TENM2: variants seen among roughly 807,000 people sequenced by gnomAD.
The protein encoded by TENM2 is teneurin-2.
In TENM2, 52 loss-of-function variants were observed where a neutral mutation model predicts 245.2. The observed-to-expected ratio is 0.21, with a 90% CI of 0.17 to 0.27. The LOEUF is 0.27. Ranked by LOEUF, TENM2 falls within the 10% of genes least tolerant of loss-of-function variation. The pLI is 1.00. For missense variants in TENM2, 3,046 were observed against 3,666.8 expected, an observed-to-expected ratio of 0.83 and a Z score of 4.37; for synonymous variants, 1,363 against 1,438.9, an observed-to-expected ratio of 0.95 and a Z score of 1.19.
chr5:167,452,931 TTATATA>T (rs1554157697), intron 2 of TENM2, among the ~76,000 whole-genome samples: 9 of 4,886 alleles, frequency 1.8e-3, no homozygotes, highest in Admixed American at 4.9e-3. Context: ...AAAGTATGAT[TTATATA>T]TATATATATA....
intron 7 of TENM2, among the ~76,000 whole-genome samples, chr5:168,078,833 C>A (rs955475149): frequency 7.2e-5 from 11 of 152,230 alleles, no homozygotes; most frequent in Admixed American, 2.6e-4. Context: ...ATTACTGTAG[C>A]CTTGTAGTAT....
Position 168,107,356 on chromosome 5 carries a change from G to A in TENM2, c.1813+9229G>A, listed in dbSNP as rs113622893. On this transcript the variant is annotated intron_variant, in intron 9 of 28. Transcript: ENST00000518659. ...CTCCAGAGTTCTCCCAAAGCTCTTA[G>A]GGGCATGTCACTACTGTCCTCAAAC... Among the ~76,000 whole-genome samples the A allele has an allele frequency of 7.6e-3, 1,157 of 152,224 alleles. 18 individuals carry two copies. Among genetic ancestry groups the A allele is most frequent in the African/African-American group, 0.026 (1,093 of 41,536 alleles).
chr5:167,322,881 G>A (rs1261355294), intron 1 of TENM2, among the ~76,000 whole-genome samples: 1 of 152,228 alleles, frequency 6.6e-6, no homozygotes, highest in Non-Finnish European at 1.5e-5. Flanking sequence ...TGGGCCAGAA[G>A]GCCATGGTGA....
At chr5:167,543,898 A>G (rs925202064) in intron 2 of TENM2, among the ~76,000 whole-genome samples, 2 of 152,194 alleles carry the variant, frequency 1.3e-5, no homozygotes, top group Non-Finnish European at 2.9e-5. Context: ...CTATAAGGAC[A>G]TAAGTCATGT....
At chr5:167,768,199 A>G (rs1763168081) in intron 2 of TENM2, among the ~76,000 whole-genome samples, 1 of 152,096 alleles carries the variant, frequency 6.6e-6, no homozygotes, top group African/African-American at 2.4e-5. Context: ...AAACATGCCT[A>G]TGTTTGTGTT....
chr5:167,771,708 A>C (rs1268559212), intron 2 of TENM2, among the ~76,000 whole-genome samples: 1 of 152,102 alleles, frequency 6.6e-6, no homozygotes, highest in Non-Finnish European at 1.5e-5. Flanking sequence ...CACCAGGGAG[A>C]GTTTTAGAAG....
At chr5:167,389,133 GC>G (rs955851352) in intron 2 of TENM2, among the ~76,000 whole-genome samples, 1 of 151,546 alleles carries the variant, frequency 6.6e-6, no homozygotes, top group African/African-American at 2.4e-5. Flanking sequence ...TCTTTATGCT[GC>G]CCAAAGTAAG....
intron 2 of TENM2, among the ~76,000 whole-genome samples, chr5:167,451,357 C>T (rs941362529): frequency 2.0e-5 from 3 of 152,134 alleles, no homozygotes; most frequent in African/African-American, 7.2e-5. Context: ...TGGGAAGGAG[C>T]GATTGAAAAC....
chr5:168,092,347 C>G lies in TENM2; in HGVS notation c.1711+1578C>G, dbSNP rs561220748. 5.9e-5 allele frequency among the ~76,000 whole-genome samples: 9 copies of G among 152,342 alleles called. No individual in the cohort carries two copies. The South Asian group carries it at 6.2e-4, about 11-fold the overall frequency. ...TAGCCCATGGGCCTAATCTGGCCCACTGCCTGTTTTTATGAATAAAGTTTT... is the reference window on the plus strand; with the variant it reads ...TAGCCCATGGGCCTAATCTGGCCCAGTGCCTGTTTTTATGAATAAAGTTTT... On this transcript the variant is annotated intron_variant, in intron 8 of 28. Transcript: ENST00000518659.
intron 2 of TENM2, among the ~76,000 whole-genome samples, chr5:167,710,140 A>G (rs1758809527): frequency 6.6e-6 from 1 of 151,712 alleles, no homozygotes; most frequent in Non-Finnish European, 1.5e-5. Flanking sequence ...AGTAACAATC[A>G]CTCTTTGAGA....
At chr5:167,153,681 A>ACGTATATATACG in the TENM2 span, among the ~76,000 whole-genome samples, 1 of 151,910 alleles carries the variant, frequency 6.6e-6, no homozygotes, top group African/African-American at 2.4e-5. Flanking sequence ...ATATATATAT[A>ACGTATATATACG]TACACACACA....
chr5:168,007,953 C>T lies in TENM2; in HGVS notation c.1186+14771C>T, dbSNP rs547983782. 5.9e-5 allele frequency among the ~76,000 whole-genome samples: 9 copies of T among 152,138 alleles called. No homozygotes were observed. In the East Asian group the frequency reaches 1.4e-3, roughly 23 times the overall value. ...ATAGCGATGATACCTTTTTCATAGTCACTCTATGTAAAGTTTAAAGTAGGG... is the reference window on the plus strand; with the variant it reads ...ATAGCGATGATACCTTTTTCATAGTTACTCTATGTAAAGTTTAAAGTAGGG... On this transcript the variant is annotated intron_variant, in intron 5 of 28. Transcript: ENST00000518659.
chr5:167,458,410 C>T (rs973303955), intron 2 of TENM2, among the ~76,000 whole-genome samples: 23 of 148,352 alleles, frequency 1.6e-4, no homozygotes, highest in African/African-American at 5.4e-4. Flanking sequence ...TCCCTTGAAC[C>T]CGGGAGGCAC....
chr5:167,339,603 A>ATT (rs144229621), intron 1 of TENM2, among the ~76,000 whole-genome samples: 1 of 145,338 alleles, frequency 6.9e-6, no homozygotes, highest in Admixed American at 6.9e-5. Context: ...TTTTCAATTC[A>ATT]TTTTTTTTTT....
chr5:167,143,926 G>A, the TENM2 span, among the ~76,000 whole-genome samples: 2 of 151,886 alleles, frequency 1.3e-5, no homozygotes, highest in African/African-American at 2.4e-5. Context: ...TGGCAAACTG[G>A]CGTTATTTTT....
At chr5:167,541,844 T>C (rs1331498177) in intron 2 of TENM2, among the ~76,000 whole-genome samples, 1 of 152,174 alleles carries the variant, frequency 6.6e-6, no homozygotes, top group Non-Finnish European at 1.5e-5. Flanking sequence ...ATTTGAGAAA[T>C]AAAATCACAA....
At chr5:167,707,416 G>C (rs531303345) in intron 2 of TENM2, among the ~76,000 whole-genome samples, 1 of 152,038 alleles carries the variant, frequency 6.6e-6, no homozygotes, top group Non-Finnish European at 1.5e-5. Flanking sequence ...AAGCTTTTTA[G>C]TCTGATATAA....
At chr5:167,536,799 C>T (rs1384882661) in intron 2 of TENM2, among the ~76,000 whole-genome samples, 1 of 152,142 alleles carries the variant, frequency 6.6e-6, no homozygotes, top group African/African-American at 2.4e-5. Flanking sequence ...GGCAGGATCA[C>T]CTGAGGTCAG....
intron 1 of TENM2, among the ~76,000 whole-genome samples, chr5:167,336,091 G>C (rs1757735698): frequency 6.7e-6 from 1 of 150,178 alleles, no homozygotes; most frequent in Non-Finnish European, 1.5e-5. Flanking sequence ...TGCCTCCCTT[G>C]TCTCATGCTA....
Sources: allele counts gnomAD v4.1 joint callset (sites outside exome capture counted in the v4.1 genomes callset), GRCh38; gene constraint gnomAD v4.1.1; transcripts MANE v1.5; gene names NCBI Gene and HGNC (gene_info 2026-07-23, HGNC 2026-07-21).